CFAP47: variants seen among roughly 807,000 people sequenced by gnomAD.
CFAP47 encodes cilia and flagella associated protein 47, also known as cilia- and flagella-associated protein 47.
Under a neutral mutation model 148.1 loss-of-function variants are expected in CFAP47, and 29 were observed. The ratio of observed to expected loss-of-function variants is 0.20; its 90% CI spans 0.15 to 0.27. The LOEUF is 0.27. Ranked by LOEUF, CFAP47 falls within the 10% of genes least tolerant of loss-of-function variation. CFAP47 has a pLI of 1.00. For missense variants in CFAP47, 1,872 were observed against 1,697.5 expected, an observed-to-expected ratio of 1.10 and a Z score of -1.81; for synonymous variants, 664 against 577.3, an observed-to-expected ratio of 1.15 and a Z score of -2.15.
intron 26 of CFAP47, among the ~76,000 whole-genome samples, chrX:36,057,672 TTA>T (rs755862756): frequency 1.8e-5 from 2 of 111,740 alleles, no homozygotes; most frequent in Non-Finnish European, 3.8e-5. Flanking sequence ...TCATTATGTT[TTA>T]TAATTTTTTT....
chrX:36,347,916 A>G (rs781845225), intron 57 of CFAP47, among the ~76,000 whole-genome samples: 1 of 111,801 alleles, frequency 8.9e-6, no homozygotes, highest in South Asian at 3.8e-4. Context: ...GTAACCCAGA[A>G]CTTAAAGTAT....
rs777722931 is a variant in CFAP47 at position 35,948,334 on chromosome X, C to T, written c.538C>T (p.His180Tyr). 2.7e-5 allele frequency: 32 copies of T among 1,201,476 alleles called. No homozygotes were observed. The South Asian group carries it at 5.0e-4, about 19-fold the overall frequency. Residue 180 changes from histidine (H) to tyrosine (Y), a missense_variant, in exon 4 of 64, where the codon CAC becomes TAC. Transcript: ENST00000378653. The stretch of plus-strand genomic sequence containing the variant: ...TATAGGCATATTTAAGGCAGAATAC[C>T]ACGGCCAATTACCCATCCTCATTTT... ...KAPGIFKAEYHGQLPILIFPT... is the reference protein window; with the variant it reads ...KAPGIFKAEYYGQLPILIFPT...
chrX:36,119,199 G>C (rs1938696621), intron 33 of CFAP47, among the ~76,000 whole-genome samples: 1 of 111,954 alleles, frequency 8.9e-6, no homozygotes, highest in Non-Finnish European at 1.9e-5. Flanking sequence ...TATGATACTA[G>C]CTTCGGGTCT....
chrX:36,073,996 GT>G (rs1161701145), intron 29 of CFAP47, among the ~76,000 whole-genome samples: 1 of 111,873 alleles, frequency 8.9e-6, no homozygotes, highest in Non-Finnish European at 1.9e-5. Context: ...ACGGCAGGGA[GT>G]ACAGTACTCA....
At chrX:36,059,217 A>T (rs1937575958) in intron 26 of CFAP47, among the ~76,000 whole-genome samples, 1 of 111,738 alleles carries the variant, frequency 8.9e-6, no homozygotes, top group South Asian at 3.7e-4. Flanking sequence ...CTCCTAAGAG[A>T]TATAAGGAGA....
intron 29 of CFAP47, among the ~76,000 whole-genome samples, chrX:36,081,496 A>T (rs1338539488): frequency 9.0e-6 from 1 of 111,455 alleles, no homozygotes; most frequent in Non-Finnish European, 1.9e-5. Context: ...CACTCTTGGA[A>T]GCCAGCATCA....
At position 36,259,087 on chromosome X, in the gene CFAP47, T is replaced by C. The variant is rs190317318; in HGVS notation, c.7444+7643T>C. The stretch of plus-strand genomic sequence containing the variant: ...TGGAAATATATGAAAACTGTTGATT[T>C]AGTAGGTGTTCAATTAATGTCGATT... On this transcript the variant is annotated intron_variant, in intron 49 of 63. Coordinates refer to ENST00000378653, the MANE Select transcript of CFAP47 (RefSeq NM_001304548.2). Among the ~76,000 whole-genome samples, 47 of 111,360 alleles carry C rather than the reference T, an allele frequency of 4.2e-4. No homozygotes were observed. The East Asian group carries it at 0.013, about 30-fold the overall frequency.
chrX:36,170,739 T>C (rs1302936712), intron 39 of CFAP47, among the ~76,000 whole-genome samples: 8 of 107,668 alleles, frequency 7.4e-5, no homozygotes, highest in Admixed American at 5.0e-4. Flanking sequence ...CTATTGTGAA[T>C]AATGCCGCAA....
chrX:36,011,807 G>A (rs556532484), intron 21 of CFAP47, among the ~76,000 whole-genome samples: 2 of 111,997 alleles, frequency 1.8e-5, no homozygotes, highest in East Asian at 2.8e-4. Context: ...TAGGTTGCCT[G>A]TTCACTCTGA....
At chrX:36,138,238 T>C in intron 34 of CFAP47, 110 bp from the exon 35 acceptor site, 1 of 806,464 alleles carries the variant, frequency 1.2e-6, no homozygotes, top group Non-Finnish European at 1.7e-6. Context: ...AATAATTTAT[T>C]ACTGACAAAT....
intron 23 of CFAP47, among the ~76,000 whole-genome samples, chrX:36,031,881 C>T (rs1301278716): frequency 1.8e-5 from 2 of 110,565 alleles, no homozygotes; most frequent in African/African-American, 3.3e-5. Context: ...TGTATTTGCA[C>T]TGCCCCTTTT....
rs757410614 is a variant in CFAP47, at chrX:36,127,563, C to T, written c.5321-10395C>T. On this transcript the variant is annotated intron_variant, in intron 33 of 63. Transcript: ENST00000378653. ...GCTTTGTTCTTCTTGCCCAGGATTG[C>T]CTTGGCTATGCGGTCTCTTTTTTGG... 1.2e-4 allele frequency among the ~76,000 whole-genome samples: 13 copies of T among 111,195 alleles called. No homozygotes were observed. The South Asian group carries it at 4.9e-3, about 42-fold the overall frequency.
At chrX:36,052,980 A>G (rs1272435212) in intron 26 of CFAP47, among the ~76,000 whole-genome samples, 1 of 111,627 alleles carries the variant, frequency 9.0e-6, no homozygotes, top group African/African-American at 3.3e-5. Flanking sequence ...CTAGCAGAGA[A>G]TGAATCAGAT....
intron 23 of CFAP47, among the ~76,000 whole-genome samples, chrX:36,034,561 C>T (rs1394085891): frequency 9.0e-6 from 1 of 111,220 alleles, no homozygotes; most frequent in Non-Finnish European, 1.9e-5. Flanking sequence ...AATATGTTAG[C>T]ATGAACACAC....
chrX:36,078,285 C>G lies in CFAP47; in HGVS notation c.4691+4921C>G, dbSNP rs184029375. Among the ~76,000 whole-genome samples, 3 of 110,758 alleles carry G rather than the reference C, an allele frequency of 2.7e-5. No homozygotes were observed. The East Asian group carries it at 8.6e-4, about 32-fold the overall frequency. Reference sequence around the variant, plus strand: ...TTAATCTTCGGTCTCGTAGATCTGTCTCATATTGACAGTGGGGTGTTAAAG... The same window carrying G: ...TTAATCTTCGGTCTCGTAGATCTGTGTCATATTGACAGTGGGGTGTTAAAG... On this transcript the variant is annotated intron_variant, in intron 29 of 63. Transcript: ENST00000378653.
At chrX:36,124,209 G>A (rs1938797842) in intron 33 of CFAP47, among the ~76,000 whole-genome samples, 1 of 111,685 alleles carries the variant, frequency 9.0e-6, no homozygotes, top group Non-Finnish European at 1.9e-5. Flanking sequence ...CAGGTGGAGG[G>A]AAAGAATCTC....
At chrX:36,373,126 G>A (rs1293709508) in intron 62 of CFAP47, among the ~76,000 whole-genome samples, 1 of 110,551 alleles carries the variant, frequency 9.0e-6, no homozygotes, top group East Asian at 2.8e-4. Flanking sequence ...TATCACATTG[G>A]GTAGTATGGA....
intron 21 of CFAP47, among the ~76,000 whole-genome samples, chrX:36,007,429 A>G (rs985048874): frequency 8.9e-6 from 1 of 112,333 alleles, no homozygotes; most frequent in Admixed American, 9.4e-5. Flanking sequence ...TTTCAATTTG[A>G]GGTATTCCTG....
chrX:36,219,830 T>A (rs1940195954), intron 45 of CFAP47, among the ~76,000 whole-genome samples: 2 of 111,447 alleles, frequency 1.8e-5, no homozygotes, highest in Non-Finnish European at 3.8e-5. Context: ...TTGATTGATG[T>A]CTCATGTCTC....
Sources: gnomAD v4.1 joint callset for allele counts (sites outside exome capture counted in the v4.1 genomes callset) on GRCh38, gnomAD v4.1.1 for gene constraint, MANE v1.5 for transcripts, NCBI Gene and HGNC (gene_info 2026-07-23, HGNC 2026-07-21) for gene names.